The following KANSL1L variants were observed in gnomAD, a reference collection of about 807,000 sequenced individuals.
KANSL1L encodes KAT8 regulatory NSL complex subunit 1 like, also known as KAT8 regulatory NSL complex subunit 1-like protein.
Under a neutral mutation model 108.6 loss-of-function variants are expected in KANSL1L, and 25 were observed. That is an observed-to-expected ratio of 0.23 (90% CI 0.17 to 0.32). The LOEUF (loss-of-function observed/expected upper bound fraction) is 0.32, where lower values mean the gene tolerates loss of function less well. KANSL1L is among the 10% of genes least tolerant of loss of function. The probability of loss-of-function intolerance (pLI) is 1.00; values close to 1 mark genes in which losing one functional copy is unlikely to be tolerated. For missense variants in KANSL1L, 1,137 were observed against 1,125.7 expected (o/e 1.01, Z -0.14); for synonymous variants, 405 against 395.1 (o/e 1.03, Z -0.30).
chr2:210,153,974 G>A lies in KANSL1L; in HGVS notation c.609C>T (p.Gly203=), dbSNP rs1480883351. 1 of 1,613,516 alleles carries A rather than the reference G, an allele frequency of 6.2e-7. No individual in the cohort carries two copies. Among genetic ancestry groups the A allele is most frequent in the South Asian group, 1.1e-5 (1 of 91,080 alleles). The change falls in exon 2 of 15, where the codon GGC becomes GGT. Residue 203 remains glycine (G), a synonymous_variant. Transcript: ENST00000281772. The part of the protein sequence containing the change: ...LHCTQKKIVP[G]HSNVPVSSSA... ...AAGAACTAACAGGCACATTTGAGTG[G>A]CCAGGTACAATTTTCTTTTGAGTAC...
chr2:210,149,043 T>C (rs937994090), intron 2 of KANSL1L, among the ~76,000 whole-genome samples: 9 of 152,038 alleles, frequency 5.9e-5, no homozygotes, highest in Non-Finnish European at 1.3e-4. Flanking sequence ...TGAACATTCA[T>C]GGGGGGAGGG....
At chr2:210,061,682 ATAAAC>A (rs1452892462) in intron 6 of KANSL1L, among the ~76,000 whole-genome samples, 1 of 152,242 alleles carries the variant, frequency 6.6e-6, no homozygotes, top group Non-Finnish European at 1.5e-5. Context: ...TTCTCCAAGC[ATAAAC>A]TAAAGTGTAC....
Position 210,056,607 on chromosome 2 carries a change from A to G in KANSL1L, c.1756-12503T>C, listed in dbSNP as rs1221398108. On this transcript the variant is annotated intron_variant, in intron 6 of 14. Coordinates refer to ENST00000281772, the MANE Select transcript of KANSL1L (RefSeq NM_152519.4). ...GCAATTCTTGTGCCTCAGCCTCCCA[A>G]GTAGCTGGGGTTACAGGCATGCACC... Among the ~76,000 whole-genome samples the G allele has an allele frequency of 2.6e-5, 4 of 152,016 alleles. No individual in the cohort carries two copies. In the East Asian group the frequency reaches 7.7e-4, roughly 29 times the overall value.
At chr2:210,035,606 G>C (rs2094091183) in intron 8 of KANSL1L, among the ~76,000 whole-genome samples, 1 of 152,052 alleles carries the variant, frequency 6.6e-6, no homozygotes, top group African/African-American at 2.4e-5. Context: ...AGCCTCCCGA[G>C]TAGCTGGGAC....
At chr2:210,126,746 A>G (rs2095069227) in intron 3 of KANSL1L, among the ~76,000 whole-genome samples, 1 of 152,248 alleles carries the variant, frequency 6.6e-6, no homozygotes, top group Non-Finnish European at 1.5e-5. Flanking sequence ...TGAGCCTGGA[A>G]GGTGGAGGTT....
intron 1 of KANSL1L, among the ~76,000 whole-genome samples, chr2:210,165,388 T>G (rs1239406466): frequency 6.6e-6 from 1 of 152,048 alleles, no homozygotes; most frequent in Non-Finnish European, 1.5e-5. Context: ...CAGAGAGAAT[T>G]TCAGTAAGAC....
rs57999970 is a variant in KANSL1L, at chr2:210,065,579, ATTTTTTT to A, written c.1755+9966_1755+9972del. ...CTCTCAATTGAGGTGCCTGGACATG[ATTTTTTT>A]TTTTTTTTTTTTTTTTTGATACAGA... On this transcript the variant is annotated intron_variant, in intron 6 of 14. Coordinates refer to ENST00000281772, the MANE Select transcript of KANSL1L (RefSeq NM_152519.4). 2.4e-3 allele frequency among the ~76,000 whole-genome samples: 153 copies of A among 64,926 alleles called. 1 individual carries two copies. The highest frequency in any genetic ancestry group is 7.7e-3 in the African/African-American group (144 of 18,682). The allele number at this position is 64,926 out of a possible 152,430, so 42.6% of individuals were successfully genotyped here.
At chr2:210,089,642 A>G (rs967964912) in intron 5 of KANSL1L, among the ~76,000 whole-genome samples, 5 of 152,188 alleles carry the variant, frequency 3.3e-5, no homozygotes, top group African/African-American at 4.8e-5. Flanking sequence ...CCCTGAAACC[A>G]CTAAATTATA....
chr2:210,104,354 C>A, intron 3 of KANSL1L, 53 bp from the exon 4 acceptor site: 1 of 1,286,770 alleles, frequency 7.8e-7, no homozygotes, highest in Non-Finnish European at 1.1e-6. Flanking sequence ...ATTATTAAGC[C>A]ACCTTTAATG....
At chr2:210,093,103 T>A (rs1290041833) in intron 5 of KANSL1L, among the ~76,000 whole-genome samples, 1 of 152,178 alleles carries the variant, frequency 6.6e-6, no homozygotes, top group Non-Finnish European at 1.5e-5. Flanking sequence ...CTTCCTGCCA[T>A]GGGCAGAGCC....
intron 6 of KANSL1L, among the ~76,000 whole-genome samples, chr2:210,069,982 C>T (rs189677647): frequency 5.3e-5 from 8 of 151,094 alleles, no homozygotes; most frequent in Admixed American, 1.3e-4. Flanking sequence ...GCACCTGCCA[C>T]CACACCCGGC....
chr2:210,095,992 C>T (rs1161913288), intron 5 of KANSL1L, among the ~76,000 whole-genome samples: 6 of 152,078 alleles, frequency 3.9e-5, no homozygotes, highest in Non-Finnish European at 5.9e-5. Flanking sequence ...CTTCAAAAAA[C>T]GTGAAGAACA....
At chr2:210,101,123 C>G (rs924416806) in intron 4 of KANSL1L, among the ~76,000 whole-genome samples, 1 of 152,186 alleles carries the variant, frequency 6.6e-6, no homozygotes, top group African/African-American at 2.4e-5. Context: ...GCTCTCACAA[C>G]TCTTGGTTCC....
At position 210,154,388 on chromosome 2, in the gene KANSL1L, T is replaced by C. The variant is rs1351839064; in HGVS notation, c.195A>G (p.Leu65=). The part of the protein sequence containing the change: ...EPTLNTNFVN[L]KHFGSPQSSK... ...AAGACTGAGGGGAGCCAAAATGTTT[T>C]AAATTCACAAAATTAGTATTAAGAG... The change falls in exon 2 of 15, where the codon TTA becomes TTG. Residue 65 remains leucine (L), a synonymous_variant. Coordinates refer to ENST00000281772, the MANE Select transcript of KANSL1L (RefSeq NM_152519.4). 3 of 1,610,822 alleles carry C rather than the reference T, an allele frequency of 1.9e-6. No homozygotes were observed. The highest frequency in any genetic ancestry group is 2.5e-6 in the Non-Finnish European group (3 of 1,178,816).
intron 6 of KANSL1L, among the ~76,000 whole-genome samples, chr2:210,054,945 T>C (rs1332610427): frequency 1.3e-5 from 2 of 151,962 alleles, no homozygotes; most frequent in African/African-American, 2.4e-5. Context: ...TTCAGAAAAA[T>C]TGTAGAGTAC....
intron 4 of KANSL1L, among the ~76,000 whole-genome samples, chr2:210,102,953 C>T (rs1443548797): frequency 6.6e-6 from 1 of 152,130 alleles, no homozygotes; most frequent in African/African-American, 2.4e-5. Flanking sequence ...TTGACCCAGC[C>T]ATCCCATTAC....
chr2:210,119,376 C>T (rs2094991744), intron 3 of KANSL1L, among the ~76,000 whole-genome samples: 1 of 152,010 alleles, frequency 6.6e-6, no homozygotes, highest in Non-Finnish European at 1.5e-5. Context: ...TAGCCAAAAC[C>T]ACATTTTTAA....
At chr2:210,112,015 A>C (rs2094910912) in intron 3 of KANSL1L, among the ~76,000 whole-genome samples, 1 of 151,688 alleles carries the variant, frequency 6.6e-6, no homozygotes, top group Non-Finnish European at 1.5e-5. Context: ...TAGTTTGCTG[A>C]GAATGATGGT....
intron 5 of KANSL1L, among the ~76,000 whole-genome samples, chr2:210,094,032 T>C (rs1559550664): frequency 6.6e-6 from 1 of 152,078 alleles, no homozygotes; most frequent in South Asian, 2.1e-4. Flanking sequence ...GAAGGTAAAG[T>C]GGTAGTGGCC....
Sources: allele counts gnomAD v4.1 joint callset (sites outside exome capture counted in the v4.1 genomes callset), GRCh38; gene constraint gnomAD v4.1.1; transcripts MANE v1.5; gene names NCBI Gene and HGNC (gene_info 2026-07-23, HGNC 2026-07-21).